SNRPN: variants seen among roughly 807,000 people sequenced by gnomAD.
The protein encoded by SNRPN is small nuclear ribonucleoprotein-associated protein N.
Under a neutral mutation model 25.2 loss-of-function variants are expected in SNRPN, and 7 were observed. The observed-to-expected ratio is 0.28, with a 90% CI of 0.16 to 0.52. The LOEUF (loss-of-function observed/expected upper bound fraction) is 0.52. Ranked by LOEUF, SNRPN falls within the 20% of genes least tolerant of loss-of-function variation. The pLI is 0.96. For synonymous variants in SNRPN, 124 were observed against 110.6 expected, an observed-to-expected ratio of 1.12 and a Z score of -0.76; for missense variants, 196 against 322.5, an observed-to-expected ratio of 0.61 and a Z score of 3.00.
rs869100437 is a variant in SNRPN at position 24,949,010 on chromosome 15, C to CTTTTT, written c.-390-13079_-390-13075dup. 6.3e-3 allele frequency among the ~76,000 whole-genome samples: 291 copies of CTTTTT among 46,436 alleles called. 5 individuals are homozygous for CTTTTT. Among genetic ancestry groups the CTTTTT allele is most frequent in the East Asian group, 8.4e-3 (12 of 1,434 alleles). The allele number at this position is 46,436 out of a possible 152,430, so 30.5% of individuals were successfully genotyped here. On this transcript the variant is annotated intron_variant, in intron 3 of 11. Transcript: ENST00000400097. ...TTCTGTCTATATGGATTTGCCTATT[C>CTTTTT]TTTTTTTTTTTTTTTTTTTTTTTTT...
At chr15:24,910,211 T>G (rs1437483030) in intron 2 of SNRPN, among the ~76,000 whole-genome samples, 1 of 152,188 alleles carries the variant, frequency 6.6e-6, no homozygotes, top group Non-Finnish European at 1.5e-5. Context: ...AGCGATGAAC[T>G]AGGACATTTG....
intron 1 of SNRPN, among the ~76,000 whole-genome samples, chr15:24,881,400 G>T (rs931419262): frequency 6.6e-6 from 1 of 151,704 alleles, no homozygotes; most frequent in African/African-American, 2.4e-5. Flanking sequence ...GCATGGGGGT[G>T]GACACCTGTA....
rs565119954 is a variant in SNRPN, at chr15:24,866,107, C to G, written c.-579+9391C>G. ...TTGACCCCACTATTATTATGTAATG[C>G]CTTTCTATTTCCCTGATAATTTTTC... On this transcript the variant is annotated intron_variant, in intron 1 of 11. Transcript: ENST00000400097. 4.5e-3 allele frequency among the ~76,000 whole-genome samples: 687 copies of G among 152,130 alleles called. 7 individuals are homozygous for G. Among genetic ancestry groups the G allele is most frequent in the African/African-American group, 0.016 (656 of 41,526 alleles).
chr15:24,836,649 G>C (rs746824430), intron 2 of SNRPN, among the ~76,000 whole-genome samples: 1 of 152,052 alleles, frequency 6.6e-6, no homozygotes, highest in African/African-American at 2.4e-5. Flanking sequence ...CTGATCTCAG[G>C]TGATCCGCCC....
At chr15:24,874,661 C>T (rs2055668710) in intron 1 of SNRPN, among the ~76,000 whole-genome samples, 1 of 152,104 alleles carries the variant, frequency 6.6e-6, no homozygotes, top group African/African-American at 2.4e-5. Context: ...GATCTGAAAA[C>T]CTTTGATTGA....
At chr15:24,907,584 C>G (rs1008594477) in intron 2 of SNRPN, among the ~76,000 whole-genome samples, 1 of 151,812 alleles carries the variant, frequency 6.6e-6, no homozygotes, top group South Asian at 2.1e-4. Context: ...GGTGACAGAG[C>G]GAGACTCCAT....
At chr15:24,878,492 G>A (rs542076324) in intron 1 of SNRPN, among the ~76,000 whole-genome samples, 9 of 152,308 alleles carry the variant, frequency 5.9e-5, no homozygotes, top group Non-Finnish European at 1.3e-4. Context: ...GCGCCCCGAG[G>A]GTCTGTTCCG....
In SNRPN at chr15:24,923,876, C is replaced by CGTGT. The variant is rs1488829289; in HGVS notation, c.-391+3753_-391+3756dup. On this transcript the variant is annotated intron_variant, in intron 3 of 11. Coordinates refer to the SNRPN transcript ENST00000400097. ...TTTAGGATTTGTTTCTTTTTAGTGC[C>CGTGT]GTGTATGTGTGTGTGTGTGTGTGTG... Among the ~76,000 whole-genome samples, 686 of 106,976 alleles carry CGTGT rather than the reference C, an allele frequency of 6.4e-3. 4 individuals carry two copies. The highest frequency in any genetic ancestry group is 0.02 in the Middle Eastern group (4 of 198). The allele number at this position is 106,976 out of a possible 152,430, so 70.2% of individuals were successfully genotyped here. A position where few individuals can be genotyped will look rare whatever the true frequency, so the allele number is the denominator to read the frequency against.
At position 24,867,524 on chromosome 15, in the gene SNRPN, G is replaced by A. The variant is rs575807654; in HGVS notation, c.-579+10808G>A. Among the ~76,000 whole-genome samples the A allele has an allele frequency of 1.5e-3, 232 of 151,932 alleles. 1 individual carries two copies. The highest frequency in any genetic ancestry group is 5.3e-3 in the African/African-American group (220 of 41,458). ...CGAGTAGCTGGGACTACAGGCGCCC[G>A]CCACCACGCTCAGCTAATTTTTTGT... On this transcript the variant is annotated intron_variant, in intron 1 of 11. Coordinates refer to the SNRPN transcript ENST00000400097.
chr15:24,848,252 G>GGGTGGGGGCGGC (rs2052412874), intron 2 of SNRPN: 1 of 135,302 alleles, frequency 7.4e-6, no homozygotes, highest in Non-Finnish European at 1.7e-5. Context: ...GCGGCGGCGG[G>GGGTGGGGGCGGC]GGCGGGGGCG....
intron 2 of SNRPN, among the ~76,000 whole-genome samples, chr15:24,903,629 C>A (rs773643543): frequency 6.6e-6 from 1 of 151,896 alleles, no homozygotes; most frequent in Non-Finnish European, 1.5e-5. Context: ...TGGAACCATC[C>A]GGTATCAAGA....
chr15:24,908,829 G>A (rs751315852), intron 2 of SNRPN: 70 of 543,880 alleles, frequency 1.3e-4, no homozygotes, highest in Non-Finnish European at 1.9e-4. Context: ...TTTCTCTAGA[G>A]TCTTGGAAAG....
intron 3 of SNRPN, among the ~76,000 whole-genome samples, chr15:24,931,721 C>G (rs1265077586): frequency 6.6e-6 from 1 of 151,174 alleles, no homozygotes; most frequent in Non-Finnish European, 1.5e-5. Context: ...GGCTGTAGTC[C>G]CAGCTACTCA....
chr15:24,872,824 C>T lies in SNRPN; in HGVS notation c.-578-13692C>T, dbSNP rs1239319027. On this transcript the variant is annotated intron_variant, in intron 1 of 11. Coordinates refer to the SNRPN transcript ENST00000400097. ...CAGCACTTTGTGAGGCTGAGGCGGG[C>T]GGATCACACTGCACTCCAGCCTGGG... Among the ~76,000 whole-genome samples, 45 of 92,414 alleles carry T rather than the reference C, an allele frequency of 4.9e-4. 13 individuals are homozygous for T. Among genetic ancestry groups the T allele is most frequent in the Admixed American group, 9.1e-4 (6 of 6,570 alleles). 60.6% of individuals were successfully genotyped at this position (92,414 alleles called of 152,430 possible).
intron 2 of SNRPN, among the ~76,000 whole-genome samples, chr15:24,917,666 C>T (rs2059617904): frequency 6.6e-6 from 1 of 152,240 alleles, no homozygotes; most frequent in Non-Finnish European, 1.5e-5. Context: ...CCCTGGTCTG[C>T]GCTGCAGTGC....
At chr15:24,831,685 G>T (rs974560833) in intron 2 of SNRPN, among the ~76,000 whole-genome samples, 1 of 151,846 alleles carries the variant, frequency 6.6e-6, no homozygotes, top group Non-Finnish European at 1.5e-5. Context: ...TTATATAAAT[G>T]AGCTTTTTTA....
chr15:24,874,264 C>T lies in SNRPN; in HGVS notation c.-578-12252C>T, dbSNP rs10468156. ...GGTGGAGCTTGCAGTGAGCCAAGATCGCACCACTGCACTCCAGCCTGGGTG... is the reference window on the plus strand; with the variant it reads ...GGTGGAGCTTGCAGTGAGCCAAGATTGCACCACTGCACTCCAGCCTGGGTG... On this transcript the variant is annotated intron_variant, in intron 1 of 11. Coordinates refer to the SNRPN transcript ENST00000400097. Among the ~76,000 whole-genome samples the T allele has an allele frequency of 9.6e-4, 134 of 140,024 alleles. 1 individual carries two copies. Among genetic ancestry groups the T allele is most frequent in the Middle Eastern group, 3.7e-3 (1 of 272 alleles). The allele number at this position is 140,024 out of a possible 152,430, so 91.9% of individuals were successfully genotyped here. A position where few individuals can be genotyped will look rare whatever the true frequency, so the allele number is the denominator to read the frequency against.
upstream of SNRPN, among the ~76,000 whole-genome samples, chr15:24,855,292 A>T (rs1005568714): frequency 1.3e-5 from 2 of 152,192 alleles, no homozygotes; most frequent in African/African-American, 4.8e-5. Context: ...ATGGATTATT[A>T]GTTCATTTCA....
rs532925411 is a variant in SNRPN, at chr15:24,863,004, C to T, written c.-579+6288C>T. On this transcript the variant is annotated intron_variant, in intron 1 of 11. Coordinates refer to the SNRPN transcript ENST00000400097. The stretch of plus-strand genomic sequence containing the variant: ...GAAGTGATGCAGAGGCTGCTCCCTG[C>T]GGACTGCCTTCTGTGGGGAGGAGTT... 3.4e-4 allele frequency among the ~76,000 whole-genome samples: 51 copies of T among 151,038 alleles called. 2 individuals carry two copies. The highest frequency in any genetic ancestry group is 2.6e-3 in the Admixed American group (39 of 15,234).
Sources: allele counts gnomAD v4.1 joint callset (sites outside exome capture counted in the v4.1 genomes callset), GRCh38; gene constraint gnomAD v4.1.1; transcripts MANE v1.5; gene names NCBI Gene and HGNC (gene_info 2026-07-23, HGNC 2026-07-21).